Variants in PRAG1 observed in about 807,000 individuals in gnomAD.
The protein encoded by PRAG1 is PEAK1 related, kinase-activating pseudokinase 1, also known as inactive tyrosine-protein kinase PRAG1.
PRAG1 carries 110 observed loss-of-function variants against 95.6 expected under a neutral mutation model. The observed-to-expected ratio is 1.15, with a 90% CI of 0.99 to 1.35. The LOEUF is 1.35. Ranked by LOEUF, PRAG1 falls within the 40% of genes most tolerant of loss-of-function variation. The probability of loss-of-function intolerance (pLI) is 0.00; values close to 1 mark genes in which losing one functional copy is unlikely to be tolerated. For missense variants in PRAG1, 2,554 were observed against 1,864.7 expected (o/e 1.37, Z -6.81); for synonymous variants, 1,052 against 819.4 (o/e 1.28, Z -4.85).
Position 8,318,108 on chromosome 8 carries a change from G to A in PRAG1, c.*46C>T. The A allele has an allele frequency of 6.4e-7, 1 of 1,558,254 alleles. No individual in the cohort carries two copies. Among genetic ancestry groups the A allele is most frequent in the Non-Finnish European group, 8.7e-7 (1 of 1,152,526 alleles). ...GGTGCTTCCAAGGCGAGACAGGAAA[G>A]GGTTAGGCAGGGAAGGGGCAGCGAC... On this transcript the variant is annotated 3_prime_UTR_variant, in exon 6 of 6. Transcript: ENST00000615670. The surrounding 1 kb of genome is among the most constrained non-coding windows in gnomAD (Gnocchi z 4.2).
intron 1 of PRAG1, among the ~76,000 whole-genome samples, chr8:8,384,608 C>CAAAAA (rs11400182): frequency 1.1e-5 from 1 of 92,464 alleles, no homozygotes; most frequent in African/African-American, 4.3e-5. Flanking sequence ...CGCATGCAGC[C>CAAAAA]AAAAAAAAAA....
intron 3 of PRAG1, among the ~76,000 whole-genome samples, chr8:8,341,953 C>T (rs1585237751): frequency 6.6e-6 from 1 of 152,032 alleles, no homozygotes; most frequent in African/African-American, 2.4e-5. Context: ...GCCAACAGGC[C>T]AACCCCATCT....
chr8:8,360,053 G>T (rs1563246589), intron 3 of PRAG1, among the ~76,000 whole-genome samples: 1 of 152,150 alleles, frequency 6.6e-6, no homozygotes, highest in Non-Finnish European at 1.5e-5. Context: ...TGAGTGAGCA[G>T]CTCCTGAGTC....
chr8:8,376,034 G>A (rs1329131980), intron 3 of PRAG1, among the ~76,000 whole-genome samples: 1 of 152,112 alleles, frequency 6.6e-6, no homozygotes, highest in Non-Finnish European at 1.5e-5. Flanking sequence ...CCCAAGCAGG[G>A]ACCACAAGTA....
intron 2 of PRAG1, among the ~76,000 whole-genome samples, chr8:8,380,325 G>A (rs1290769266): frequency 6.6e-6 from 1 of 151,452 alleles, no homozygotes; most frequent in Non-Finnish European, 1.5e-5. Flanking sequence ...TAGGCCAGGC[G>A]CGGTGGCTCA....
At chr8:8,347,977 C>T (rs1292481825) in intron 3 of PRAG1, among the ~76,000 whole-genome samples, 4 of 151,942 alleles carry the variant, frequency 2.6e-5, no homozygotes, top group African/African-American at 7.3e-5. Flanking sequence ...AGTGCAGTGG[C>T]GTGATCTTGG....
At chr8:8,381,337 C>T (rs1226957712) in intron 2 of PRAG1, 81 bp downstream of exon 2, 2 of 1,423,044 alleles carry the variant, frequency 1.4e-6, no homozygotes, top group Non-Finnish European at 1.9e-6. Context: ...TGGAACAGCC[C>T]TCCCTGGCTG....
chr8:8,377,137 C>T lies in PRAG1; in HGVS notation c.1272G>A (p.Pro424=), dbSNP rs369857841. 103 of 1,612,370 alleles carry T rather than the reference C, an allele frequency of 6.4e-5. No homozygotes were observed. Among genetic ancestry groups the T allele is most frequent in the African/African-American group, 9.3e-5 (7 of 74,924 alleles). The change falls in exon 3 of 6, where the codon CCG becomes CCA. Residue 424 remains proline (P), a synonymous_variant. Coordinates refer to ENST00000615670, the MANE Select transcript of PRAG1 (RefSeq NM_001080826.3). ...TCTTGGCCTGTGACTTGGAAGGCACCGGAGCTGCCTTCTTCCTCTTGGTGC... is the reference window on the plus strand; with the variant it reads ...TCTTGGCCTGTGACTTGGAAGGCACTGGAGCTGCCTTCTTCCTCTTGGTGC... ...AESTKRKKAA[P]VPSKSQAKIE... is the part of the protein sequence containing the mutation.
chr8:8,363,856 T>C lies in PRAG1; in HGVS notation c.2162+12391A>G, dbSNP rs147360575. Among the ~76,000 whole-genome samples, 1,008 of 152,320 alleles carry C rather than the reference T, an allele frequency of 6.6e-3. 8 individuals are homozygous for C. The highest frequency in any genetic ancestry group is 0.023 in the African/African-American group (954 of 41,578). ...AATTTATATTAAGTATATTGTGCTATAGATTTCATTCTCTTAGTTATTTCA... is the reference window on the plus strand; with the variant it reads ...AATTTATATTAAGTATATTGTGCTACAGATTTCATTCTCTTAGTTATTTCA... On this transcript the variant is annotated intron_variant, in intron 3 of 5. Coordinates refer to ENST00000615670, the MANE Select transcript of PRAG1 (RefSeq NM_001080826.3).
At position 8,318,576 on chromosome 8, in the gene PRAG1, G is replaced by A; in HGVS notation, c.3799C>T (p.Gln1267Ter). The A allele has an allele frequency of 6.2e-7, 1 of 1,613,680 alleles. No homozygotes were observed. The highest frequency in any genetic ancestry group is 1.1e-5 in the South Asian group (1 of 91,054). The change falls in exon 6 of 6, where the codon CAA (glutamine) becomes TAA (stop). Residue 1267 changes from glutamine (Q) to a stop codon, truncating the protein, a stop_gained. Transcript: ENST00000615670. LOFTEE classifies it high-confidence loss of function. This position sits in a 1 kb window ranked among gnomAD's most constrained non-coding sequence, Gnocchi z 4.2. ...TGILIYELLHQPNPFEVRAQL... is the reference protein window; with the variant it reads ...TGILIYELLH ...GCGCGCACCTCGAACGGGTTGGGTT[G>A]GTGCAGCAGCTCGTAGATGAGGATG...
intron 2 of PRAG1, among the ~76,000 whole-genome samples, chr8:8,378,322 T>G (rs1403734114): frequency 1.3e-5 from 2 of 152,156 alleles, no homozygotes; most frequent in Non-Finnish European, 2.9e-5. Flanking sequence ...TTCCTACCCA[T>G]GGACTGTAAT....
intron 3 of PRAG1, among the ~76,000 whole-genome samples, chr8:8,363,986 C>T (rs946420583): frequency 6.6e-6 from 1 of 152,124 alleles, no homozygotes; most frequent in African/African-American, 2.4e-5. Context: ...ATTTTACTTA[C>T]CTATTTCTCT....
chr8:8,340,332 A>T (rs1269294578), intron 3 of PRAG1, among the ~76,000 whole-genome samples: 1 of 152,208 alleles, frequency 6.6e-6, no homozygotes, highest in Non-Finnish European at 1.5e-5. Flanking sequence ...AGAGAAAAAC[A>T]CTCACATTGG....
At chr8:8,343,001 A>G (rs1799221841) in intron 3 of PRAG1, among the ~76,000 whole-genome samples, 2 of 152,218 alleles carry the variant, frequency 1.3e-5, no homozygotes, top group Admixed American at 1.3e-4. Context: ...ACATCTTTGC[A>G]ACCCGCATTA....
At position 8,377,168 on chromosome 8, in the gene PRAG1, G is replaced by A. The variant is rs1278832780; in HGVS notation, c.1241C>T (p.Ala414Val). Reference protein sequence around the residue: ...REATQPEPIYAESTKRKKAAP... With the variant: ...REATQPEPIYVESTKRKKAAP... ...TGCCTTCTTCCTCTTGGTGCTCTCA[G>A]CATAGATGGGTTCAGGCTGTGTAGC... is the stretch of plus-strand genomic sequence containing the variant. The change falls in exon 3 of 6, where the codon GCT (alanine) becomes GTT (valine). Residue 414 changes from alanine to valine, a missense_variant. Physicochemically the swap from Ala to Val is moderately conservative, Grantham distance 64. Coordinates refer to ENST00000615670, the MANE Select transcript of PRAG1 (RefSeq NM_001080826.3). 1 of 1,611,734 alleles carries A rather than the reference G, an allele frequency of 6.2e-7. No individual in the cohort carries two copies. The highest frequency in any genetic ancestry group is 2.2e-5 in the East Asian group (1 of 44,840).
At chr8:8,385,819 C>T (rs1037683685) in intron 1 of PRAG1, among the ~76,000 whole-genome samples, 6 of 151,914 alleles carry the variant, frequency 3.9e-5, no homozygotes, top group African/African-American at 9.7e-5. Context: ...AGCCAGGGCT[C>T]GGGGAAAAGG....
intron 3 of PRAG1, among the ~76,000 whole-genome samples, chr8:8,352,052 C>T (rs981484974): frequency 1.3e-5 from 2 of 151,978 alleles, no homozygotes; most frequent in African/African-American, 4.8e-5. Context: ...ATTCTCAGAC[C>T]CTAATTTTCT....
At chr8:8,361,451 AG>A (rs1563247361) in intron 3 of PRAG1, among the ~76,000 whole-genome samples, 1 of 151,824 alleles carries the variant, frequency 6.6e-6, no homozygotes, top group African/African-American at 2.4e-5. Context: ...GGGAGGTGGC[AG>A]TGGGTTATTA....
chr8:8,339,415 C>G (rs775544942), intron 4 of PRAG1, 63 bp downstream of exon 4: 1 of 1,562,294 alleles, frequency 6.4e-7, no homozygotes, highest in Admixed American at 1.7e-5. Flanking sequence ...CCGCAAGCAA[C>G]GCAGGACTGG....
Sources: gnomAD v4.1 joint callset for allele counts (sites outside exome capture counted in the v4.1 genomes callset) on GRCh38, gnomAD v4.1.1 for gene constraint, Gnocchi (gnomAD v3.1) non-coding constraint, MANE v1.5 for transcripts, NCBI Gene and HGNC (gene_info 2026-07-23, HGNC 2026-07-21) for gene names.